Variants in DPYSL3 observed in about 807,000 individuals in gnomAD.
DPYSL3 encodes the protein dihydropyrimidinase-related protein 3.
A neutral mutation model predicts 66.1 loss-of-function variants in DPYSL3; 16 were observed. The observed-to-expected ratio is 0.24, with a 90% CI of 0.16 to 0.37. The LOEUF is 0.37. Ranked by LOEUF, DPYSL3 falls within the 10% of genes least tolerant of loss-of-function variation. The pLI, the probability that DPYSL3 is intolerant of heterozygous loss-of-function variation, is 1.00. For synonymous variants in DPYSL3, 338 were observed against 345.1 expected, an observed-to-expected ratio of 0.98 and a Z score of 0.23; for missense variants, 738 against 916.2, an observed-to-expected ratio of 0.81 and a Z score of 2.51.
At position 147,427,704 on chromosome 5, in the gene DPYSL3, A is replaced by G. The variant is rs115400794; in HGVS notation, c.382-2741T>C. The stretch of plus-strand genomic sequence containing the variant: ...GCCCAGTACCAAGTCACAGACCAGC[A>G]CAAGGAACCACTGCCCTCCTGCCTG... On this transcript the variant is annotated intron_variant, in intron 1 of 13. Transcript: ENST00000343218. Among the ~76,000 whole-genome samples, 781 of 152,248 alleles carry G rather than the reference A, an allele frequency of 5.1e-3. 3 individuals carry two copies. The highest frequency in any genetic ancestry group is 0.018 in the African/African-American group (738 of 41,554).
rs917297411 is a variant in DPYSL3, at chr5:147,392,276, G to C, written c.*1759C>G. Reference sequence around the variant, plus strand: ...AATAGCAAGCTTCCCTATTCTAAGGGGAAATAGTCTTTTTTCATGATTTGA... The same window carrying C: ...AATAGCAAGCTTCCCTATTCTAAGGCGAAATAGTCTTTTTTCATGATTTGA... On this transcript the variant is annotated 3_prime_UTR_variant, in exon 14 of 14. Coordinates refer to ENST00000343218, the MANE Select transcript of DPYSL3 (RefSeq NM_001197294.2). The C allele has an allele frequency of 1.3e-5, 2 of 152,206 alleles. No homozygotes were observed. Among genetic ancestry groups the C allele is most frequent in the African/African-American group, 4.8e-5 (2 of 41,452 alleles). The allele number at this position is 152,206 out of a possible 1,614,324, so 9.4% of individuals were successfully genotyped here. A position where few individuals can be genotyped will look rare whatever the true frequency, so the allele number is the denominator to read the frequency against.
intron 4 of DPYSL3, among the ~76,000 whole-genome samples, chr5:147,415,446 G>A (rs977370491): frequency 2.6e-5 from 4 of 152,124 alleles, no homozygotes; most frequent in Admixed American, 6.5e-5. Context: ...TACACCTACT[G>A]CTTACTAATG....
rs79053086 is a variant in DPYSL3, at chr5:147,430,595, G to A, written c.382-5632C>T. On this transcript the variant is annotated intron_variant, in intron 1 of 13. Coordinates refer to ENST00000343218, the MANE Select transcript of DPYSL3 (RefSeq NM_001197294.2). ...AAAGGAGAAAGAGAGGAAAGGGCGG[G>A]GAGAGAGAACTGGAAGATGTAATAA... 0.012 allele frequency among the ~76,000 whole-genome samples: 1,767 copies of A among 151,940 alleles called. 68 individuals carry two copies. In the East Asian group the frequency reaches 0.13, roughly 11 times the overall value.
intron 1 of DPYSL3, among the ~76,000 whole-genome samples, chr5:147,456,026 T>G (rs1752848307): frequency 6.6e-6 from 1 of 152,204 alleles, no homozygotes; most frequent in Non-Finnish European, 1.5e-5. Context: ...TGTGTTCTTC[T>G]GGATCCGGCT....
chr5:147,440,239 C>A (rs1752508323), intron 1 of DPYSL3, among the ~76,000 whole-genome samples: 1 of 152,108 alleles, frequency 6.6e-6, no homozygotes, highest in East Asian at 1.9e-4. Flanking sequence ...GGAGGCGGAG[C>A]TTGCAGTGAG....
At chr5:147,433,173 T>C (rs1056858478) in intron 1 of DPYSL3, among the ~76,000 whole-genome samples, 2 of 152,136 alleles carry the variant, frequency 1.3e-5, no homozygotes, top group Non-Finnish European at 2.9e-5. Flanking sequence ...GAAGTATAGG[T>C]CCATATGTGT....
chr5:147,417,208 A>G (rs1479696592), intron 3 of DPYSL3, among the ~76,000 whole-genome samples: 1 of 152,210 alleles, frequency 6.6e-6, no homozygotes, highest in African/African-American at 2.4e-5. Context: ...AAGGATGCCA[A>G]ACAGGTCCAA....
intron 1 of DPYSL3, among the ~76,000 whole-genome samples, chr5:147,484,109 T>C (rs1753291580): frequency 6.6e-6 from 1 of 152,222 alleles, no homozygotes. Context: ...AGAACCAGGT[T>C]CCCGGCAAGT....
At chr5:147,439,414 G>A (rs1466751095) in intron 1 of DPYSL3, among the ~76,000 whole-genome samples, 1 of 152,092 alleles carries the variant, frequency 6.6e-6, no homozygotes, top group Non-Finnish European at 1.5e-5. Flanking sequence ...GCTTTGAGCT[G>A]GACATGAAAG....
At chr5:147,489,334 T>C (rs1753380498) in intron 1 of DPYSL3, among the ~76,000 whole-genome samples, 2 of 152,202 alleles carry the variant, frequency 1.3e-5, no homozygotes, top group Admixed American at 6.5e-5. Flanking sequence ...TCAGCACTGA[T>C]GCTTAGCTGC....
chr5:147,454,596 C>T (rs1334153899), intron 1 of DPYSL3, among the ~76,000 whole-genome samples: 1 of 152,190 alleles, frequency 6.6e-6, no homozygotes, highest in Non-Finnish European at 1.5e-5. Flanking sequence ...AAGTAGAAAA[C>T]ACCTGTGGAG....
intron 3 of DPYSL3, 91 bp from the exon 4 acceptor site, chr5:147,415,964 G>C (rs1751959589): frequency 1.4e-6 from 2 of 1,382,894 alleles, no homozygotes; most frequent in Non-Finnish European, 2.0e-6. Flanking sequence ...AGCTGTGACT[G>C]CAGAATCTCT....
In DPYSL3 at chr5:147,479,002, A is replaced by G. The variant is rs140695751; in HGVS notation, c.381+30476T>C. ...ATTTGCACAGTGTCTGGCATCTAAT[A>G]GGTGAGCAATAAATTTTTGTGGAAT... On this transcript the variant is annotated intron_variant, in intron 1 of 13. Transcript: ENST00000343218. Among the ~76,000 whole-genome samples the G allele has an allele frequency of 7.1e-3, 1,083 of 152,296 alleles. 9 individuals carry two copies. Among genetic ancestry groups the G allele is most frequent in the African/African-American group, 0.025 (1,020 of 41,546 alleles).
At chr5:147,419,812 C>T (rs76047562) in intron 2 of DPYSL3, among the ~76,000 whole-genome samples, 2,953 of 152,222 alleles carry the variant, frequency 0.019, 104 homozygotes, top group African/African-American at 0.068. Context: ...TCCAGAGCCA[C>T]CATAATTCAA....
At chr5:147,468,990 C>T (rs73794766) in intron 1 of DPYSL3, among the ~76,000 whole-genome samples, 2,588 of 152,208 alleles carry the variant, frequency 0.017, 83 homozygotes, top group African/African-American at 0.06. Flanking sequence ...ATACAATGTA[C>T]GCTATTTTCC....
intron 7 of DPYSL3, among the ~76,000 whole-genome samples, chr5:147,407,025 T>C (rs1006832385): frequency 1.3e-5 from 2 of 152,194 alleles, no homozygotes; most frequent in Non-Finnish European, 2.9e-5. Context: ...TTTTGTACTC[T>C]GGAGCGGCTG....
chr5:147,437,352 A>G (rs1752431321), intron 1 of DPYSL3, among the ~76,000 whole-genome samples: 1 of 152,214 alleles, frequency 6.6e-6, no homozygotes, highest in African/African-American at 2.4e-5. Flanking sequence ...AGGCCTTGGA[A>G]TGTGTGAGAA....
intron 1 of DPYSL3, among the ~76,000 whole-genome samples, chr5:147,454,550 T>A (rs1435447148): frequency 6.6e-6 from 1 of 152,158 alleles, no homozygotes; most frequent in Non-Finnish European, 1.5e-5. Flanking sequence ...AGTCTCAGAA[T>A]CAAAGAAAGA....
intron 1 of DPYSL3, among the ~76,000 whole-genome samples, chr5:147,435,194 G>A (rs989393304): frequency 6.6e-6 from 1 of 152,222 alleles, no homozygotes; most frequent in South Asian, 2.1e-4. Flanking sequence ...CCTTGCCTAA[G>A]TGAATCTAAG....
Sources: allele counts gnomAD v4.1 joint callset (sites outside exome capture counted in the v4.1 genomes callset), GRCh38; gene constraint gnomAD v4.1.1; transcripts MANE v1.5; gene names NCBI Gene and HGNC (gene_info 2026-07-23, HGNC 2026-07-21).